SMARCAD1: variants seen among roughly 807,000 people sequenced by gnomAD.
SMARCAD1 encodes the protein SWI/SNF-related matrix-associated actin-dependent regulator of chromatin subfamily A containing DEAD/H box 1.
In SMARCAD1, 25 loss-of-function variants were observed where a neutral mutation model predicts 127.1. That is an observed-to-expected ratio of 0.20 (90% CI 0.14 to 0.27). The LOEUF (loss-of-function observed/expected upper bound fraction) is 0.27. Among genes scored for constraint, SMARCAD1 ranks in the 10% least tolerant of loss-of-function variants. SMARCAD1 has a pLI of 1.00. For synonymous variants in SMARCAD1, 400 were observed against 396.9 expected, an observed-to-expected ratio of 1.01 and a Z score of -0.09; for missense variants, 807 against 1,206.0, an observed-to-expected ratio of 0.67 and a Z score of 4.90.
chr4:94,265,869 A>G (rs1169604452), intron 10 of SMARCAD1, among the ~76,000 whole-genome samples: 1 of 152,066 alleles, frequency 6.6e-6, no homozygotes, highest in Admixed American at 6.5e-5. Context: ...ATAGGTTAAG[A>G]TTAGCAGTAG....
intron 9 of SMARCAD1, among the ~76,000 whole-genome samples, chr4:94,261,141 G>GA (rs956831027): frequency 5.3e-4 from 74 of 140,318 alleles, no homozygotes; most frequent in South Asian, 9.0e-4. Flanking sequence ...TTTTTTAAGT[G>GA]AAAAAAAAAA....
At position 94,234,002 on chromosome 4, in the gene SMARCAD1, A is replaced by G; in HGVS notation, c.417A>G (p.Ala139=). The change falls in exon 4 of 24, where the codon GCA becomes GCG. Residue 139 remains alanine (A), a synonymous_variant. Transcript: ENST00000354268. The part of the protein sequence containing the change: ...DEESQGLPTM[A]RRNDDISELE... ...AGTCCCAAGGCCTTCCTACCATGGCACGTAGAAATGATGATATTTCAGAAC... is the reference window on the plus strand; with the variant it reads ...AGTCCCAAGGCCTTCCTACCATGGCGCGTAGAAATGATGATATTTCAGAAC... The G allele has an allele frequency of 6.2e-7, 1 of 1,613,842 alleles. No individual in the cohort carries two copies. Among genetic ancestry groups the G allele is most frequent in the Non-Finnish European group, 8.5e-7 (1 of 1,179,814 alleles).
At chr4:94,218,857 G>T (rs1358461635) in intron 2 of SMARCAD1, among the ~76,000 whole-genome samples, 7 of 152,086 alleles carry the variant, frequency 4.6e-5, no homozygotes, top group Non-Finnish European at 8.8e-5. Flanking sequence ...TGTCACCCAG[G>T]CTGGAGTGTG....
In SMARCAD1 at chr4:94,289,608, A is replaced by G. The variant is rs1415388885; in HGVS notation, c.*74A>G. The G allele has an allele frequency of 1.7e-6, 2 of 1,210,844 alleles. No homozygotes were observed. The highest frequency in any genetic ancestry group is 2.4e-5 in the South Asian group (2 of 82,900). The allele number at this position is 1,210,844 out of a possible 1,614,324, so 75.0% of individuals were successfully genotyped here. On this transcript the variant is annotated 3_prime_UTR_variant, in exon 24 of 24. Coordinates refer to ENST00000354268, the MANE Select transcript of SMARCAD1 (RefSeq NM_020159.5). Reference sequence around the variant, plus strand: ...ACTCAAGGACATTTACATTATGATGACCATGGGGTTTATGAACATTTATAA... The same window carrying G: ...ACTCAAGGACATTTACATTATGATGGCCATGGGGTTTATGAACATTTATAA...
chr4:94,264,657 T>C lies in SMARCAD1; in HGVS notation c.1282-50T>C, dbSNP rs772574173. The C allele has an allele frequency of 4.6e-6, 7 of 1,524,452 alleles. No homozygotes were observed. In the East Asian group the frequency reaches 1.4e-4, roughly 29 times the overall value. 94.4% of individuals were successfully genotyped at this position (1,524,452 alleles called of 1,614,324 possible). On this transcript the variant is annotated intron_variant, in intron 9 of 23. Coordinates refer to ENST00000354268, the MANE Select transcript of SMARCAD1 (RefSeq NM_020159.5). ...CTCATAAAGAAATCAGGATTGCCTT[T>C]CTCTTTCCTAGATCTGAACTATTCA...
chr4:94,242,546 G>T (rs1472683975), intron 6 of SMARCAD1, among the ~76,000 whole-genome samples: 1 of 152,052 alleles, frequency 6.6e-6, no homozygotes, highest in Non-Finnish European at 1.5e-5. Context: ...TCTCTGAGTT[G>T]GGTTTATATT....
chr4:94,208,324 T>C, intron 1 of SMARCAD1, 22 bp from the exon 2 acceptor site: 2 of 1,513,488 alleles, frequency 1.3e-6, no homozygotes, highest in Non-Finnish European at 1.8e-6. Context: ...CCTTTTTTCC[T>C]CTCTTTATTT....
chr4:94,225,385 A>G (rs558969892), intron 2 of SMARCAD1, among the ~76,000 whole-genome samples: 1 of 152,204 alleles, frequency 6.6e-6, no homozygotes, highest in African/African-American at 2.4e-5. Context: ...TAAGGACATC[A>G]GTCATATTGG....
intron 6 of SMARCAD1, among the ~76,000 whole-genome samples, chr4:94,243,266 T>TG (rs1412004759): frequency 6.6e-6 from 1 of 152,230 alleles, no homozygotes; most frequent in Non-Finnish European, 1.5e-5. Flanking sequence ...TTTTTTATAA[T>TG]GCCTCAGGTA....
Position 94,264,772 on chromosome 4 carries a change from C to T in SMARCAD1, c.1347C>T (p.Ile449=). The T allele has an allele frequency of 6.2e-7, 1 of 1,612,420 alleles. No individual in the cohort carries two copies. The highest frequency in any genetic ancestry group is 8.5e-7 in the Non-Finnish European group (1 of 1,179,072). Residue 449 remains isoleucine, a synonymous_variant, in exon 10 of 24, where the codon ATC becomes ATT. Transcript: ENST00000354268. ...TGATATGGCACTGTAAAACACTGAT[C>T]CAAGAAAGAGATGTAGTTATAAGGC... ...EDLIWHCKTL[I]QERDVVIRLM... is the part of the protein sequence containing the mutation.
At chr4:94,218,049 A>C (rs183458788) in intron 2 of SMARCAD1, among the ~76,000 whole-genome samples, 8 of 152,268 alleles carry the variant, frequency 5.3e-5, no homozygotes, top group African/African-American at 1.9e-4. Flanking sequence ...TTGCTTTATT[A>C]AGAGCATAGA....
Position 94,281,291 on chromosome 4 carries a change from C to G in SMARCAD1, c.2608-181C>G, listed in dbSNP as rs1458097213. ...TTAAGGCAGTTTATTCATATATAGG[C>G]TGCAATAAGACATACGTCTTCGGTA... On this transcript the variant is annotated intron_variant, in intron 20 of 23. Transcript: ENST00000354268. Among the ~76,000 whole-genome samples the G allele has an allele frequency of 2.0e-5, 3 of 152,210 alleles. No homozygotes were observed. In the South Asian group the frequency reaches 6.2e-4, roughly 32 times the overall value.
intron 9 of SMARCAD1, among the ~76,000 whole-genome samples, chr4:94,264,203 A>G (rs1751413248): frequency 6.6e-6 from 1 of 151,950 alleles, no homozygotes. Context: ...GAGGGGCTAT[A>G]CTTTGATGAT....
Position 94,253,753 on chromosome 4 carries a change from T to C in SMARCAD1, c.1281+746T>C, listed in dbSNP as rs904457992. 3 of 880,466 alleles carry C rather than the reference T, an allele frequency of 3.4e-6. No individual in the cohort carries two copies. In the African/African-American group the frequency reaches 5.4e-5, roughly 16 times the overall value. The allele number at this position is 880,466 out of a possible 1,614,324, so 54.5% of individuals were successfully genotyped here. On this transcript the variant is annotated intron_variant, in intron 9 of 23. Coordinates refer to ENST00000354268, the MANE Select transcript of SMARCAD1 (RefSeq NM_020159.5). The stretch of plus-strand genomic sequence containing the variant: ...ATACAGAATACCTGCATTTTGAGTT[T>C]TATGAATGCCAACAGTCATCAAATC...
At chr4:94,219,804 T>G (rs1579022525) in intron 2 of SMARCAD1, among the ~76,000 whole-genome samples, 2 of 152,310 alleles carry the variant, frequency 1.3e-5, no homozygotes, top group South Asian at 4.1e-4. Context: ...ATAACATAGT[T>G]ACTCATGAAC....
chr4:94,273,883 GTGTT>G (rs895587823), intron 12 of SMARCAD1, among the ~76,000 whole-genome samples, 167 bp downstream of exon 12: 1 of 152,072 alleles, frequency 6.6e-6, no homozygotes, highest in African/African-American at 2.4e-5. Context: ...TTATATATGT[GTGTT>G]TGATTATATT....
chr4:94,217,520 A>T (rs1743385662), intron 2 of SMARCAD1, among the ~76,000 whole-genome samples: 1 of 152,150 alleles, frequency 6.6e-6, no homozygotes, highest in Non-Finnish European at 1.5e-5. Flanking sequence ...TTTTTAAAAA[A>T]TTTCCAACTG....
intron 3 of SMARCAD1, among the ~76,000 whole-genome samples, chr4:94,230,871 T>C (rs576784768): frequency 3.2e-4 from 48 of 152,240 alleles, no homozygotes; most frequent in Non-Finnish European, 6.6e-4. Flanking sequence ...AAGGACAGGC[T>C]GAAAGGTAAA....
chr4:94,222,361 A>G (rs1378350801), intron 2 of SMARCAD1, among the ~76,000 whole-genome samples: 5 of 152,178 alleles, frequency 3.3e-5, no homozygotes, highest in Admixed American at 2.6e-4. Context: ...GACATAAGGA[A>G]AAACTCTTTG....
Sources: allele counts gnomAD v4.1 joint callset (sites outside exome capture counted in the v4.1 genomes callset), GRCh38; gene constraint gnomAD v4.1.1; transcripts MANE v1.5; gene names NCBI Gene and HGNC (gene_info 2026-07-23, HGNC 2026-07-21).